Variants in RAD52 observed in about 807,000 individuals in gnomAD.
RAD52 encodes RAD52 DNA repair protein, also known as DNA repair protein RAD52 homolog.
In RAD52, 47 loss-of-function variants were observed where a neutral mutation model predicts 55.5. The observed-to-expected ratio is 0.85, with a 90% CI of 0.67 to 1.08. The LOEUF (loss-of-function observed/expected upper bound fraction) is 1.08, where lower values mean the gene tolerates loss of function less well. Among genes scored for constraint, RAD52 ranks in the 50% least tolerant of loss-of-function variants. The pLI is 0.00. For missense variants in RAD52, 468 were observed against 522.8 expected, an observed-to-expected ratio of 0.90 and a Z score of 1.02; for synonymous variants, 184 against 198.9, an observed-to-expected ratio of 0.92 and a Z score of 0.63.
intron 1 of RAD52, among the ~76,000 whole-genome samples, chr12:965,884 G>C (rs541426067): frequency 6.6e-6 from 1 of 151,884 alleles, no homozygotes; most frequent in Non-Finnish European, 1.5e-5. Context: ...ACAGGGTTTC[G>C]CCTGTTGGCC....
At chr12:925,407 T>C in intron 7 of RAD52, 43 bp downstream of exon 7, 1 of 1,522,478 alleles carries the variant, frequency 6.6e-7, no homozygotes, top group Non-Finnish European at 9.1e-7. Context: ...CACACAAGAG[T>C]TTGCCGCATT....
chr12:930,934 G>A (rs1031898159), intron 3 of RAD52, among the ~76,000 whole-genome samples: 1 of 151,272 alleles, frequency 6.6e-6, no homozygotes, highest in Non-Finnish European at 1.5e-5. Flanking sequence ...ACCACTGGTC[G>A]GACTCCAGCC....
chr12:985,752 C>T (rs143729768), intron 1 of RAD52, among the ~76,000 whole-genome samples: 2,295 of 152,248 alleles, frequency 0.015, 26 homozygotes, highest in Non-Finnish European at 0.023. Context: ...AAGCGATTCT[C>T]CTGCCTCAGC....
chr12:985,203 C>T (rs1012338847), intron 1 of RAD52, among the ~76,000 whole-genome samples: 32 of 152,326 alleles, frequency 2.1e-4, no homozygotes, highest in African/African-American at 7.5e-4. Context: ...TACAGTGGCA[C>T]AATCATGGTT....
intron 1 of RAD52, among the ~76,000 whole-genome samples, chr12:983,713 C>G (rs890893310): frequency 2.6e-5 from 4 of 152,196 alleles, no homozygotes; most frequent in Non-Finnish European, 5.9e-5. Flanking sequence ...AGCCACCGCA[C>G]GCGGCCGGCT....
intron 1 of RAD52, among the ~76,000 whole-genome samples, chr12:964,720 A>G (rs1382008714): frequency 6.6e-6 from 1 of 151,974 alleles, no homozygotes; most frequent in Non-Finnish European, 1.5e-5. Context: ...CTGGAACCAC[A>G]GGCGCATGCA....
At chr12:968,460 G>A (rs1386766305) in intron 1 of RAD52, among the ~76,000 whole-genome samples, 4 of 151,966 alleles carry the variant, frequency 2.6e-5, no homozygotes, top group South Asian at 2.1e-4. Context: ...GGTGCTTCCC[G>A]GGAAGACCCC....
At chr12:970,363 C>A (rs1302957312) in intron 1 of RAD52, among the ~76,000 whole-genome samples, 3 of 147,892 alleles carry the variant, frequency 2.0e-5, no homozygotes, top group African/African-American at 5.0e-5. Flanking sequence ...GTCCTACTCA[C>A]ATTCCTTTTG....
At chr12:981,665 G>T (rs1959017234) in intron 1 of RAD52, among the ~76,000 whole-genome samples, 1 of 151,832 alleles carries the variant, frequency 6.6e-6, no homozygotes, top group Admixed American at 6.6e-5. Context: ...GCTGAGGCAG[G>T]ATAATCGCTC....
chr12:965,192 T>C (rs371183014), intron 1 of RAD52, among the ~76,000 whole-genome samples: 46 of 151,948 alleles, frequency 3.0e-4, no homozygotes, highest in East Asian at 1.2e-3. Context: ...GTTGGCCAGG[T>C]TGGTCTTGAT....
chr12:989,433 T>C (rs1431942980), intron 1 of RAD52, among the ~76,000 whole-genome samples: 1 of 152,182 alleles, frequency 6.6e-6, no homozygotes, highest in Non-Finnish European at 1.5e-5. Context: ...TTTTATGGGG[T>C]CTCAGGAAGA....
rs59676475 is a variant in RAD52, at chr12:912,014, A to ACC, written c.*1375_*1376dup. The ACC allele has an allele frequency of 1.4e-3, 269 of 196,188 alleles. No individual in the cohort carries two copies. The highest frequency in any genetic ancestry group is 0.012 in the Middle Eastern group (7 of 562). The allele number at this position is 196,188 out of a possible 1,614,324, so 12.2% of individuals were successfully genotyped here. A position where few individuals can be genotyped will look rare whatever the true frequency, so the allele number is the denominator to read the frequency against. ...ACTCCAGCCTGCGCTACAGAGCCAG[A>ACC]CCCCCCCTCTCAAAAAAAAAGTTGT... On this transcript the variant is annotated 3_prime_UTR_variant, in exon 12 of 12. Transcript: ENST00000358495.
intron 1 of RAD52, among the ~76,000 whole-genome samples, chr12:961,142 C>T (rs10849607): frequency 0.61 from 91,730 of 150,744 alleles, 27,971 homozygotes; most frequent in Middle Eastern, 0.69. Flanking sequence ...GGTGAAACCC[C>T]GTACTAAAAG....
intron 1 of RAD52, among the ~76,000 whole-genome samples, chr12:937,101 T>C (rs549605344): frequency 6.6e-6 from 1 of 152,272 alleles, no homozygotes; most frequent in African/African-American, 2.4e-5. Flanking sequence ...TCCAGTGAGA[T>C]ACAGAAGCTG....
intron 1 of RAD52, among the ~76,000 whole-genome samples, chr12:973,944 C>T (rs1958903897): frequency 6.6e-6 from 1 of 151,994 alleles, no homozygotes; most frequent in Admixed American, 6.6e-5. Flanking sequence ...TACCACCACA[C>T]CTGGCTTATT....
At chr12:973,118 G>T (rs900428865) in intron 1 of RAD52, among the ~76,000 whole-genome samples, 3 of 152,168 alleles carry the variant, frequency 2.0e-5, no homozygotes, top group African/African-American at 7.2e-5. Flanking sequence ...CGCCCAGGCT[G>T]GAGTGCAGTG....
At chr12:951,958 T>C (rs1353357111), upstream of RAD52, among the ~76,000 whole-genome samples, 1 of 152,148 alleles carries the variant, frequency 6.6e-6, no homozygotes, top group East Asian at 1.9e-4. Flanking sequence ...TTTCTTTTTT[T>C]TTATGAAAAA....
intron 1 of RAD52, among the ~76,000 whole-genome samples, chr12:946,249 G>A (rs1428847260): frequency 6.6e-6 from 1 of 152,158 alleles, no homozygotes; most frequent in Non-Finnish European, 1.5e-5. Flanking sequence ...AAAAATGAGT[G>A]CCTTGAGTGA....
At chr12:954,495 G>GGTGACACGCACCT (rs1343774219), upstream of RAD52, among the ~76,000 whole-genome samples, 6 of 152,090 alleles carry the variant, frequency 3.9e-5, no homozygotes, top group African/African-American at 1.4e-4. Flanking sequence ...AGCCAGGTGT[G>GGTGACACGCACCT]GTGACACGCA....
Sources: gnomAD v4.1 joint callset for allele counts (sites outside exome capture counted in the v4.1 genomes callset) on GRCh38, gnomAD v4.1.1 for gene constraint, MANE v1.5 for transcripts, NCBI Gene and HGNC (gene_info 2026-07-23, HGNC 2026-07-21) for gene names.